NAALADL2: variants seen among roughly 807,000 people sequenced by gnomAD.
The protein encoded by NAALADL2 is inactive N-acetylated-alpha-linked acidic dipeptidase-like protein 2.
NAALADL2 carries 76 observed loss-of-function variants against 87.2 expected under a neutral mutation model. That is an observed-to-expected ratio of 0.87 (90% CI 0.72 to 1.05). The LOEUF is 1.05. NAALADL2 is among the 50% of genes least tolerant of loss of function. The pLI is 0.00. For missense variants in NAALADL2, 1,089 were observed against 945.8 expected, an observed-to-expected ratio of 1.15 and a Z score of -1.99; for synonymous variants, 354 against 331.0, an observed-to-expected ratio of 1.07 and a Z score of -0.75.
At chr3:174,787,613 A>ATACACACATATATATT (rs1716952023) in intron 3 of NAALADL2, among the ~76,000 whole-genome samples, 1 of 115,554 alleles carries the variant, frequency 8.7e-6, no homozygotes, top group East Asian at 2.3e-4. Flanking sequence ...ATATATATAT[A>ATACACACATATATATT]TATATATAGT....
chr3:175,255,084 C>G (rs1324932023), intron 3 of NAALADL2, among the ~76,000 whole-genome samples: 1 of 152,064 alleles, frequency 6.6e-6, no homozygotes, highest in East Asian at 1.9e-4. Context: ...CTAGTGAGGG[C>G]CTTAAGAGAG....
chr3:175,694,964 C>T (rs940793852), intron 11 of NAALADL2, among the ~76,000 whole-genome samples: 21 of 151,366 alleles, frequency 1.4e-4, no homozygotes, highest in African/African-American at 5.1e-4. Flanking sequence ...ATTCAGTATT[C>T]AATTGTTAAT....
intron 3 of NAALADL2, among the ~76,000 whole-genome samples, chr3:174,826,905 TGGTTATAAATAACA>T (rs1039852016): frequency 2.0e-5 from 3 of 152,202 alleles, no homozygotes; most frequent in Non-Finnish European, 4.4e-5. Flanking sequence ...TAAAACTCTT[TGGTTATAAATAACA>T]AAAGCAATTC....
Position 175,803,051 on chromosome 3 carries a change from C to G in NAALADL2, c.2236C>G (p.Leu746Val), listed in dbSNP as rs768197024. ...LDEKTSRFSI[L>V]IEAWEHCKPL... Reference sequence around the variant, plus strand: ...TGAAAAGACAAGCCGGTTTTCAATACTTATAGAGGCTTGGGAACACTGCAA... The same window carrying G: ...TGAAAAGACAAGCCGGTTTTCAATAGTTATAGAGGCTTGGGAACACTGCAA... The change falls in exon 14 of 14, where the codon CTT becomes GTT. Residue 746 changes from leucine (L) to valine (V), a missense_variant. Leu to Val is a conservative substitution (Grantham distance 32). Coordinates refer to ENST00000454872, the MANE Select transcript of NAALADL2 (RefSeq NM_207015.3). 3.7e-6 allele frequency: 6 copies of G among 1,612,080 alleles called. No individual in the cohort carries two copies. The African/African-American group carries it at 8.0e-5, about 22-fold the overall frequency.
intron 4 of NAALADL2, among the ~76,000 whole-genome samples, chr3:175,271,616 A>G (rs1011850027): frequency 6.6e-6 from 1 of 152,078 alleles, no homozygotes; most frequent in Non-Finnish European, 1.5e-5. Context: ...AGATGGTGAA[A>G]CCCCATTTCT....
chr3:175,333,740 A>G (rs1305427327), intron 5 of NAALADL2, among the ~76,000 whole-genome samples: 1 of 152,162 alleles, frequency 6.6e-6, no homozygotes, highest in Non-Finnish European at 1.5e-5. Flanking sequence ...GCTAGATAGA[A>G]GGAATAATTT....
At chr3:174,883,447 T>A (rs1348984749) in intron 1 of NAALADL2, among the ~76,000 whole-genome samples, 1 of 152,076 alleles carries the variant, frequency 6.6e-6, no homozygotes, top group Non-Finnish European at 1.5e-5. Flanking sequence ...CTATCCTTCA[T>A]ACAAGCGGAA....
rs370528343 is a variant in NAALADL2, at chr3:175,121,538, C to T, written c.545+24247C>T. 1.5e-3 allele frequency among the ~76,000 whole-genome samples: 221 copies of T among 151,896 alleles called. 1 individual carries two copies. The highest frequency in any genetic ancestry group is 2.4e-3 in the Non-Finnish European group (161 of 67,832). On this transcript the variant is annotated intron_variant, in intron 2 of 13. Transcript: ENST00000454872. ...CTGAGGGTAAGAGAGCTGAGGAACACCCCCTTTTATGAAGCTAACTGGAAA... is the reference window on the plus strand; with the variant it reads ...CTGAGGGTAAGAGAGCTGAGGAACATCCCCTTTTATGAAGCTAACTGGAAA...
intron 1 of NAALADL2, among the ~76,000 whole-genome samples, chr3:174,942,651 C>T (rs979624554): frequency 3.9e-5 from 6 of 152,114 alleles, no homozygotes; most frequent in Admixed American, 3.3e-4. Context: ...GCTTTCTCCC[C>T]CTCCTTTTCA....
intron 1 of NAALADL2, among the ~76,000 whole-genome samples, chr3:174,442,776 A>G (rs1714762812): frequency 6.6e-6 from 1 of 152,214 alleles, no homozygotes; most frequent in African/African-American, 2.4e-5. Flanking sequence ...AGTGCTATGG[A>G]CTTATTACAT....
At chr3:174,670,140 G>A (rs1000773462) in intron 2 of NAALADL2, among the ~76,000 whole-genome samples, 3 of 151,764 alleles carry the variant, frequency 2.0e-5, no homozygotes, top group Admixed American at 1.3e-4. Context: ...TTTTTTTGTG[G>A]AAACTTTAGA....
intron 4 of NAALADL2, chr3:175,257,110 C>G (rs1280341248): frequency 1.3e-5 from 2 of 150,870 alleles, no homozygotes; most frequent in South Asian, 4.2e-4. Context: ...CACAGATACA[C>G]TTATGTAATT....
chr3:175,710,563 T>C lies in NAALADL2; in HGVS notation c.1897-26743T>C, dbSNP rs139664666. ...AGTTTCTATTATATATAAATATTTA[T>C]ATATGTGTAAATACGTATTCAGATA... On this transcript the variant is annotated intron_variant, in intron 11 of 13. Coordinates refer to ENST00000454872, the MANE Select transcript of NAALADL2 (RefSeq NM_207015.3). Among the ~76,000 whole-genome samples the C allele has an allele frequency of 3.2e-3, 478 of 149,788 alleles. 1 individual carries two copies. Among genetic ancestry groups the C allele is most frequent in the African/African-American group, 0.011 (449 of 40,244 alleles).
chr3:175,459,019 C>T (rs1449700819), intron 6 of NAALADL2, among the ~76,000 whole-genome samples: 2 of 152,068 alleles, frequency 1.3e-5, no homozygotes, highest in Non-Finnish European at 2.9e-5. Context: ...CCCACACACA[C>T]ACCTAGACAC....
chr3:174,485,546 A>C (rs1315098848), intron 1 of NAALADL2, among the ~76,000 whole-genome samples: 1 of 151,348 alleles, frequency 6.6e-6, no homozygotes, highest in Non-Finnish European at 1.5e-5. Context: ...AGAATATGAG[A>C]TATTTGGTTT....
intron 9 of NAALADL2, among the ~76,000 whole-genome samples, chr3:175,498,085 T>C (rs902089507): frequency 1.6e-4 from 24 of 152,132 alleles, no homozygotes; most frequent in Admixed American, 1.6e-3. Context: ...ACCAGCTGAA[T>C]TGATCAAACA....
chr3:174,841,458 A>G (rs1482355436), intron 3 of NAALADL2, among the ~76,000 whole-genome samples: 3 of 152,194 alleles, frequency 2.0e-5, no homozygotes, highest in Non-Finnish European at 4.4e-5. Context: ...TTTAGTTAGT[A>G]TTTGCCAACT....
intron 2 of NAALADL2, among the ~76,000 whole-genome samples, chr3:174,734,474 G>A (rs1732998923): frequency 2.6e-5 from 4 of 152,130 alleles, no homozygotes. Context: ...GTTTTCAAGG[G>A]CTCTCTTGCA....
chr3:174,759,340 A>G (rs1182314019), intron 3 of NAALADL2, among the ~76,000 whole-genome samples: 1 of 152,172 alleles, frequency 6.6e-6, no homozygotes, highest in Admixed American at 6.5e-5. Flanking sequence ...CCCAGATACA[A>G]ATTTGTTTGC....
Sources: gnomAD v4.1 joint callset for allele counts (sites outside exome capture counted in the v4.1 genomes callset) on GRCh38, gnomAD v4.1.1 for gene constraint, MANE v1.5 for transcripts, NCBI Gene and HGNC (gene_info 2026-07-23, HGNC 2026-07-21) for gene names.